FAM120B: variants seen among roughly 807,000 people sequenced by gnomAD.
The protein encoded by FAM120B is constitutive coactivator of peroxisome proliferator-activated receptor gamma.
In FAM120B, 83 loss-of-function variants were observed where a neutral mutation model predicts 96.3. That is an observed-to-expected ratio of 0.86 (90% confidence interval 0.72 to 1.03). The LOEUF (loss-of-function observed/expected upper bound fraction) is 1.03, where lower values mean the gene tolerates loss of function less well. Ranked by LOEUF, FAM120B falls within the 50% of genes least tolerant of loss-of-function variation. The pLI is 0.00. For missense variants in FAM120B, 1,027 were observed against 1,121.2 expected, an observed-to-expected ratio of 0.92 and a Z score of 1.20; for synonymous variants, 407 against 402.7, an observed-to-expected ratio of 1.01 and a Z score of -0.13.
At position 170,370,032 on chromosome 6, in the gene FAM120B, CA is replaced by C. The variant is rs1789078609; in HGVS notation, c.2283+11720del. Reference sequence around the variant, plus strand: ...ATTTCAGGATGTAATTTCAATTTTACAAAAAATGTACCTTTTTTGAATATAG... The same window carrying C: ...ATTTCAGGATGTAATTTCAATTTTACAAAAATGTACCTTTTTTGAATATAG... On this transcript the variant is annotated intron_variant, in intron 6 of 10. Transcript: ENST00000476287. The surrounding 1 kb of genome is among the most constrained non-coding windows in gnomAD (Gnocchi z 4.3). 6.6e-6 allele frequency among the ~76,000 whole-genome samples: 1 copy of C among 152,170 alleles called. No individual in the cohort carries two copies. The highest frequency in any genetic ancestry group is 2.4e-5 in the African/African-American group (1 of 41,438).
intron 9 of FAM120B, among the ~76,000 whole-genome samples, chr6:170,397,369 T>G (rs895156874): frequency 1.3e-5 from 2 of 152,084 alleles, no homozygotes; most frequent in Non-Finnish European, 1.5e-5. Flanking sequence ...AGGTGATATT[T>G]AAGCAAAGGC....
chr6:170,345,859 T>G (rs1475765748), intron 4 of FAM120B, among the ~76,000 whole-genome samples: 1 of 152,232 alleles, frequency 6.6e-6, no homozygotes, highest in Non-Finnish European at 1.5e-5. Flanking sequence ...CCTGCATTGC[T>G]TAACCACAGT....
chr6:170,390,623 C>T lies in FAM120B; in HGVS notation c.2491-390C>T, dbSNP rs1247558685. On this transcript the variant is annotated intron_variant, in intron 7 of 10. Coordinates refer to ENST00000476287, the MANE Select transcript of FAM120B (RefSeq NM_032448.3). ...TTTTTTTCTGACGTTGGCATTTCTG[C>T]TGAATGTTCTTATAATTAAGAATCG... 4.6e-5 allele frequency among the ~76,000 whole-genome samples: 7 copies of T among 152,000 alleles called. No individual in the cohort carries two copies. In the South Asian group the frequency reaches 6.2e-4, roughly 14 times the overall value.
chr6:170,304,470 T>A (rs906288505), upstream of FAM120B, among the ~76,000 whole-genome samples: 6 of 152,114 alleles, frequency 3.9e-5, no homozygotes, highest in African/African-American at 1.4e-4. Flanking sequence ...GAATGTATCT[T>A]CTAGACCTGG....
At chr6:170,402,539 C>T (rs549982082) in intron 9 of FAM120B, among the ~76,000 whole-genome samples, 19 of 152,292 alleles carry the variant, frequency 1.2e-4, no homozygotes, top group East Asian at 3.9e-4. Flanking sequence ...GTGAAGCACG[C>T]GTGACCAGGA....
rs1330192608 is a variant in FAM120B at position 170,363,386 on chromosome 6, C to T, written c.2283+5068C>T. Among the ~76,000 whole-genome samples, 3 of 152,252 alleles carry T rather than the reference C, an allele frequency of 2.0e-5. No individual in the cohort carries two copies. Among genetic ancestry groups the T allele is most frequent in the African/African-American group, 4.8e-5 (2 of 41,466 alleles). ...CTGCATGTGGCTGCCTCGTACCCAC[C>T]GCTGTCCCTGGTGTGCATGGCGAGT... is the stretch of plus-strand genomic sequence containing the variant. On this transcript the variant is annotated intron_variant, in intron 6 of 10. Transcript: ENST00000476287. This position sits in a 1 kb window ranked among gnomAD's most constrained non-coding sequence, Gnocchi z 4.5.
intron 7 of FAM120B, among the ~76,000 whole-genome samples, chr6:170,390,226 A>G (rs1790410898): frequency 6.6e-6 from 1 of 152,218 alleles, no homozygotes; most frequent in Admixed American, 6.5e-5. Flanking sequence ...TCACATACAC[A>G]CACACAGATT....
At chr6:170,324,206 GTCA>G (rs1785458983) in intron 3 of FAM120B, among the ~76,000 whole-genome samples, 1 of 152,152 alleles carries the variant, frequency 6.6e-6, no homozygotes, top group African/African-American at 2.4e-5. Flanking sequence ...AGATGGAAAA[GTCA>G]TCATTATTAT....
At position 170,318,446 on chromosome 6, in the gene FAM120B, A is replaced by T. The variant is rs1473365324; in HGVS notation, c.1056A>T (p.Glu352Asp). ...GTTCAGATGCTGAATCCAGGCAAGA[A>T]GTTCCCATGTGTACAGGCCCTGAAT... ...PMCSDAESRQEVPMCTGPESR... is the reference protein window; with the variant it reads ...PMCSDAESRQDVPMCTGPESR... The change falls in exon 2 of 11, where the codon GAA (glutamate) becomes GAT (aspartate). Residue 352 changes from glutamate to aspartate, a missense_variant. By Grantham distance (45) the Glu-to-Asp change is conservative. Around this residue, in one of 3 missense-constraint regions of FAM120B, gnomAD observed 880 missense variants for 980.9 expected, o/e 0.90. Coordinates refer to ENST00000476287, the MANE Select transcript of FAM120B (RefSeq NM_032448.3). 6.2e-7 allele frequency: 1 copy of T among 1,613,746 alleles called. No individual in the cohort carries two copies. The highest frequency in any genetic ancestry group is 2.2e-5 in the East Asian group (1 of 44,872).
At chr6:170,395,859 G>T (rs1050999901) in intron 9 of FAM120B, among the ~76,000 whole-genome samples, 2 of 152,104 alleles carry the variant, frequency 1.3e-5, no homozygotes, top group Non-Finnish European at 2.9e-5. Flanking sequence ...TTGCTAGAAG[G>T]TACTTGTAAA....
At position 170,295,795 on chromosome 6, in the gene FAM120B, T is replaced by TG. The variant is rs1783986336; in HGVS notation, c.48+348dup. Among the ~76,000 whole-genome samples the TG allele has an allele frequency of 6.6e-6, 1 of 151,500 alleles. No homozygotes were observed. The highest frequency in any genetic ancestry group is 2.4e-5 in the African/African-American group (1 of 41,170). ...TTCGTGTCGGGGGGTCGTTTTGCGG[T>TG]GGGGGGAGTCCGAACCGCGCCACGG... On this transcript the variant is annotated intron_variant, in intron 1 of 10. Coordinates refer to the FAM120B transcript ENST00000537664. The surrounding 1 kb of genome is among the most constrained non-coding windows in gnomAD (Gnocchi z 7.8).
chr6:170,308,067 T>C (rs1461958784), intron 1 of FAM120B, among the ~76,000 whole-genome samples: 1 of 152,194 alleles, frequency 6.6e-6, no homozygotes. Flanking sequence ...CCCCTTCACA[T>C]AGGCTCTTTG....
At chr6:170,403,399 C>A (rs1373203722) in intron 9 of FAM120B, among the ~76,000 whole-genome samples, 2 of 152,004 alleles carry the variant, frequency 1.3e-5, no homozygotes, top group African/African-American at 4.8e-5. Context: ...TAAAGTAGTT[C>A]AAGTAGAAAG....
intron 3 of FAM120B, among the ~76,000 whole-genome samples, chr6:170,327,247 T>C (rs762243325): frequency 2.6e-4 from 39 of 152,032 alleles, no homozygotes; most frequent in Middle Eastern, 3.4e-3. Flanking sequence ...GGGGTTTCAC[T>C]GTGTTAGCCA....
intron 4 of FAM120B, among the ~76,000 whole-genome samples, chr6:170,339,286 T>C (rs555916325): frequency 1.3e-5 from 2 of 152,300 alleles, no homozygotes; most frequent in East Asian, 3.9e-4. Context: ...TTTGGCTGGA[T>C]ATGAAATTCT....
intron 6 of FAM120B, among the ~76,000 whole-genome samples, chr6:170,373,223 CCTTGT>C (rs1789299865): frequency 6.6e-6 from 1 of 152,184 alleles, no homozygotes; most frequent in South Asian, 2.1e-4. Flanking sequence ...GCTCAGCTTT[CCTTGT>C]CTTTTATTCC....
chr6:170,322,343 C>T (rs954367654), intron 2 of FAM120B, among the ~76,000 whole-genome samples: 1 of 152,154 alleles, frequency 6.6e-6, no homozygotes, highest in Non-Finnish European at 1.5e-5. Flanking sequence ...ATATGAGCTC[C>T]ATAAGGCAAG....
chr6:170,400,089 C>T (rs1283162036), intron 9 of FAM120B, among the ~76,000 whole-genome samples: 1 of 150,768 alleles, frequency 6.6e-6, no homozygotes, highest in East Asian at 2.1e-4. Context: ...TGTCATAAGC[C>T]TTAGGAGTGA....
At chr6:170,383,476 G>T (rs1790029218) in intron 6 of FAM120B, among the ~76,000 whole-genome samples, 1 of 152,170 alleles carries the variant, frequency 6.6e-6, no homozygotes, top group Non-Finnish European at 1.5e-5. Context: ...AAACAATCCA[G>T]TTAGAAAGTA....
Sources: allele counts gnomAD v4.1 joint callset (sites outside exome capture counted in the v4.1 genomes callset), GRCh38; gene constraint gnomAD v4.1.1; regional missense constraint gnomAD v4.1.1; non-coding constraint Gnocchi (gnomAD v3.1); transcripts MANE v1.5; gene names NCBI Gene and HGNC (gene_info 2026-07-23, HGNC 2026-07-21).